The following TPTE2 variants were observed in gnomAD, a reference collection of about 807,000 sequenced individuals.
TPTE2 encodes the protein transmembrane phosphoinositide 3-phosphatase and tensin homolog 2, also known as phosphatidylinositol 3,4,5-trisphosphate 3-phosphatase TPTE2.
Under a neutral mutation model 78.6 loss-of-function variants are expected in TPTE2, and 53 were observed. The observed-to-expected ratio is 0.67, with a 90% CI of 0.54 to 0.85. The LOEUF is 0.85. TPTE2 is among the 40% of genes least tolerant of loss of function. The pLI is 0.00. For missense variants in TPTE2, 461 were observed against 623.0 expected, an observed-to-expected ratio of 0.74 and a Z score of 2.77; for synonymous variants, 175 against 206.2, an observed-to-expected ratio of 0.85 and a Z score of 1.30.
intron 15 of TPTE2, among the ~76,000 whole-genome samples, chr13:19,434,219 C>T (rs1254831929): frequency 2.6e-5 from 4 of 152,092 alleles, no homozygotes; most frequent in Non-Finnish European, 4.4e-5. Flanking sequence ...TGCAAAGTGA[C>T]GTAGTCCCTA....
intron 1 of TPTE2, 25 bp from the exon 5 acceptor site, chr13:19,493,526 T>A: frequency 6.2e-7 from 1 of 1,609,484 alleles, no homozygotes; most frequent in South Asian, 1.1e-5. Flanking sequence ...GAGAATACAG[T>A]CAGAGAGGAG....
intron 5 of TPTE2, among the ~76,000 whole-genome samples, chr13:19,475,272 C>T (rs2137592806): frequency 6.6e-6 from 1 of 151,464 alleles, no homozygotes; most frequent in East Asian, 1.9e-4. Context: ...GTCGCCAAGG[C>T]TGCAGTGCAA....
intron 1 of TPTE2, 131 bp from the exon 5 acceptor site, chr13:19,493,632 G>C (rs530427060): frequency 2.4e-6 from 2 of 826,634 alleles, no homozygotes; most frequent in Non-Finnish European, 4.2e-6. Flanking sequence ...AGCACTATTG[G>C]AACCTGGAAT....
intron 1 of TPTE2, among the ~76,000 whole-genome samples, chr13:19,496,953 GA>G (rs1881359743): frequency 6.6e-6 from 1 of 152,184 alleles, no homozygotes; most frequent in South Asian, 2.1e-4. Context: ...CACCGTGCGC[GA>G]GCCGAAGCAG....
chr13:19,560,586 G>A, the TPTE2 span: 2 of 1,600,926 alleles, frequency 1.2e-6, no homozygotes, highest in South Asian at 2.2e-5. Flanking sequence ...CGATCTCTCG[G>A]TCAAAGAGGT....
intron 19 of TPTE2, among the ~76,000 whole-genome samples, chr13:19,424,546 G>C (rs1233455228): frequency 1.3e-5 from 2 of 152,110 alleles, no homozygotes; most frequent in Admixed American, 6.5e-5. Flanking sequence ...AGCCTCCCTA[G>C]GTCCTGCCTT....
the TPTE2 span, among the ~76,000 whole-genome samples, chr13:19,542,761 G>C: frequency 6.6e-6 from 1 of 152,134 alleles, no homozygotes; most frequent in African/African-American, 2.4e-5. Flanking sequence ...TTGGGGGTCT[G>C]AGCAGGAGAA....
upstream of TPTE2, among the ~76,000 whole-genome samples, chr13:19,540,310 G>T (rs9508436): frequency 0.64 from 91,968 of 143,032 alleles, 32,120 homozygotes; most frequent in East Asian, 0.88. Flanking sequence ...TTATTATTAT[G>T]GTTTTTTTTA....
upstream of TPTE2, among the ~76,000 whole-genome samples, chr13:19,541,602 T>C (rs1871438383): frequency 6.6e-6 from 1 of 152,232 alleles, no homozygotes; most frequent in Non-Finnish European, 1.5e-5. Context: ...ACTTATCAGG[T>C]TTAAAAAGTT....
At chr13:19,537,856 C>T (rs1871298553), upstream of TPTE2, among the ~76,000 whole-genome samples, 1 of 152,142 alleles carries the variant, frequency 6.6e-6, no homozygotes, top group Admixed American at 6.6e-5. Flanking sequence ...CCACCTATCT[C>T]AGCCTCCCAA....
chr13:19,466,508 T>G (rs1879276741), intron 7 of TPTE2, among the ~76,000 whole-genome samples: 1 of 152,218 alleles, frequency 6.6e-6, no homozygotes, highest in East Asian at 1.9e-4. Flanking sequence ...CTCTTTCATT[T>G]TCCTCATTGT....
chr13:19,449,154 G>C (rs1878021480), intron 13 of TPTE2, among the ~76,000 whole-genome samples: 1 of 152,088 alleles, frequency 6.6e-6, no homozygotes, highest in Admixed American at 6.6e-5. Context: ...GGATTGTGAA[G>C]ATGTTGGTTT....
intron 1 of TPTE2, among the ~76,000 whole-genome samples, chr13:19,521,055 T>G (rs967649687): frequency 2.0e-5 from 3 of 152,076 alleles, no homozygotes; most frequent in Non-Finnish European, 2.9e-5. Flanking sequence ...TTATAAAGAC[T>G]GTATACTCTG....
chr13:19,516,504 T>A (rs911116407), intron 1 of TPTE2, among the ~76,000 whole-genome samples: 1 of 152,224 alleles, frequency 6.6e-6, no homozygotes, highest in Non-Finnish European at 1.5e-5. Context: ...CAAAACACTT[T>A]AGTTGATTCA....
At chr13:19,515,177 C>G (rs1869715032) in intron 1 of TPTE2, among the ~76,000 whole-genome samples, 2 of 152,200 alleles carry the variant, frequency 1.3e-5, no homozygotes, top group Non-Finnish European at 2.9e-5. Flanking sequence ...AATTAATGCT[C>G]TTTGCCACAA....
chr13:19,465,343 T>C, intron 8 of TPTE2, 25 bp from the exon 12 acceptor site: 2 of 1,613,766 alleles, frequency 1.2e-6, no homozygotes, highest in Non-Finnish European at 1.7e-6. Flanking sequence ...TCATCATTAG[T>C]TTGTGAAACA....
At chr13:19,551,567 C>T in the TPTE2 span, among the ~76,000 whole-genome samples, 1 of 149,536 alleles carries the variant, frequency 6.7e-6, no homozygotes, top group East Asian at 2.0e-4. Flanking sequence ...GCCTGAGAGA[C>T]AGAGAGAGAA....
chr13:19,438,702 T>A (rs1877282888), intron 13 of TPTE2, among the ~76,000 whole-genome samples: 1 of 152,232 alleles, frequency 6.6e-6, no homozygotes, highest in Admixed American at 6.5e-5. Flanking sequence ...TTACAGGCTT[T>A]TAGCATGCCT....
intron 6 of TPTE2, among the ~76,000 whole-genome samples, chr13:19,470,352 C>A (rs1879529524): frequency 6.6e-6 from 1 of 152,026 alleles, no homozygotes; most frequent in Admixed American, 6.6e-5. Context: ...AAATGTTGAA[C>A]CATCCTTGCA....
Sources: gnomAD v4.1 joint callset for allele counts (sites outside exome capture counted in the v4.1 genomes callset) on GRCh38, gnomAD v4.1.1 for gene constraint, MANE v1.5 for transcripts, NCBI Gene and HGNC (gene_info 2026-07-23, HGNC 2026-07-21) for gene names.